The following GCNT1 variants were observed in gnomAD, a reference collection of about 807,000 sequenced individuals.
The protein encoded by GCNT1 is glucosaminyl (N-acetyl) transferase 1.
GCNT1 carries 16 observed loss-of-function variants against 26.2 expected under a neutral mutation model. The ratio of observed to expected loss-of-function variants is 0.61; its 90% CI spans 0.41 to 0.93. The LOEUF (loss-of-function observed/expected upper bound fraction) is 0.93. Ranked by LOEUF, GCNT1 falls within the 40% of genes least tolerant of loss-of-function variation. The pLI is 0.00. For synonymous variants in GCNT1, 183 were observed against 190.8 expected, an observed-to-expected ratio of 0.96 and a Z score of 0.34; for missense variants, 477 against 526.7, an observed-to-expected ratio of 0.91 and a Z score of 0.92.
At chr9:76,454,471 CAG>C (rs1823720682), upstream of GCNT1, among the ~76,000 whole-genome samples, 1 of 146,258 alleles carries the variant, frequency 6.8e-6, no homozygotes, top group Non-Finnish European at 1.5e-5. Flanking sequence ...CTGATCAGGA[CAG>C]AGTTTCTTTG....
chr9:76,439,570 T>C (rs1309677674), upstream of GCNT1, among the ~76,000 whole-genome samples: 1 of 152,166 alleles, frequency 6.6e-6, no homozygotes, highest in Non-Finnish European at 1.5e-5. Context: ...AAAAAAAATT[T>C]TGTCTGCATT....
intron 2 of GCNT1, among the ~76,000 whole-genome samples, chr9:76,488,192 C>T (rs1824633711): frequency 1.3e-5 from 2 of 152,226 alleles, no homozygotes; most frequent in Non-Finnish European, 2.9e-5. Flanking sequence ...TTAATGAATA[C>T]ATCTTGGTGT....
the GCNT1 span, among the ~76,000 whole-genome samples, chr9:76,412,032 G>T: frequency 6.6e-6 from 1 of 151,898 alleles, no homozygotes; most frequent in Non-Finnish European, 1.5e-5. Context: ...ATAATTTTTT[G>T]GTTGCTATAC....
chr9:76,449,095 A>G (rs1381176332), intron 1 of GCNT1, among the ~76,000 whole-genome samples: 1 of 152,108 alleles, frequency 6.6e-6, no homozygotes, highest in African/African-American at 2.4e-5. Context: ...GGGAGGCTGA[A>G]GTGAGAAGAT....
intron 2 of GCNT1, among the ~76,000 whole-genome samples, chr9:76,467,897 G>GTTTTTTTTTTT (rs35387152): frequency 1.7e-5 from 1 of 59,054 alleles, no homozygotes; most frequent in African/African-American, 7.3e-5. Context: ...CTCTTTCAGT[G>GTTTTTTTTTTT]TTTTTTTTTT....
chr9:76,394,280 T>A, the GCNT1 span: 1 of 1,115,150 alleles, frequency 9.0e-7, no homozygotes, highest in Non-Finnish European at 1.2e-6. Flanking sequence ...GAGCGTGAGC[T>A]CTGCCTGCCG....
chr9:76,480,001 T>G (rs1041032750), intron 2 of GCNT1, among the ~76,000 whole-genome samples: 9 of 152,222 alleles, frequency 5.9e-5, no homozygotes, highest in East Asian at 3.9e-4. Context: ...TAACATTTAA[T>G]TCTTTAATCC....
At chr9:76,430,586 A>G (rs1358608431) in intron 1 of GCNT1, among the ~76,000 whole-genome samples, 1 of 151,736 alleles carries the variant, frequency 6.6e-6, no homozygotes, top group Non-Finnish European at 1.5e-5. Context: ...AGGTCTCACT[A>G]TGTTGCCTAG....
intron 2 of GCNT1, among the ~76,000 whole-genome samples, chr9:76,461,748 G>A (rs972368456): frequency 4.0e-5 from 6 of 151,550 alleles, no homozygotes; most frequent in Non-Finnish European, 7.4e-5. Flanking sequence ...AATTAGCCAG[G>A]TGTGGTGGTG....
chr9:76,406,487 A>G, the GCNT1 span, among the ~76,000 whole-genome samples: 1 of 145,712 alleles, frequency 6.9e-6, no homozygotes, highest in Non-Finnish European at 1.5e-5. Context: ...ACAGAGCAAG[A>G]CCCTGTCTCA....
rs1307903209 is a variant in GCNT1 at position 76,505,205 on chromosome 9, TAGAC to T, written c.*1540_*1543del. ...ATAGTACATGAGAAATTCAGAGTAT[TAGAC>T]AGTTTTAAGGCATTCAACTGAGAAA... is the stretch of plus-strand genomic sequence containing the variant. On this transcript the variant is annotated 3_prime_UTR_variant, in exon 4 of 4. Transcript: ENST00000376730. 1 of 358,528 alleles carries T rather than the reference TAGAC, an allele frequency of 2.8e-6. No homozygotes were observed. Among genetic ancestry groups the T allele is most frequent in the Non-Finnish European group, 5.2e-6 (1 of 192,230 alleles). 22.2% of individuals were successfully genotyped at this position (358,528 alleles called of 1,614,324 possible).
chr9:76,496,702 T>C (rs559839573), intron 2 of GCNT1, among the ~76,000 whole-genome samples: 1 of 152,352 alleles, frequency 6.6e-6, no homozygotes, highest in South Asian at 2.1e-4. Flanking sequence ...AAGATAAGTA[T>C]TTATTTTCAG....
intron 1 of GCNT1, among the ~76,000 whole-genome samples, chr9:76,423,072 T>C (rs1823219117): frequency 6.6e-6 from 1 of 152,272 alleles, no homozygotes; most frequent in Admixed American, 6.5e-5. Context: ...CAATTTATGA[T>C]GGATTTAGCA....
At chr9:76,413,199 G>A in the GCNT1 span, among the ~76,000 whole-genome samples, 1 of 152,152 alleles carries the variant, frequency 6.6e-6, no homozygotes, top group South Asian at 2.1e-4. Flanking sequence ...TTCTTTCCTG[G>A]CCAGGGCTTT....
intron 2 of GCNT1, among the ~76,000 whole-genome samples, chr9:76,484,309 G>A (rs1431251823): frequency 6.6e-6 from 1 of 151,622 alleles, no homozygotes; most frequent in African/African-American, 2.4e-5. Flanking sequence ...GTTTGAGCCT[G>A]CAGTGAGCCA....
chr9:76,504,578 AGGGGCT>A lies in GCNT1; in HGVS notation c.*915_*920del. On this transcript the variant is annotated 3_prime_UTR_variant, in exon 4 of 4. Coordinates refer to ENST00000376730, the MANE Select transcript of GCNT1 (RefSeq NM_001490.5). ...ACTAAGACAGGATGATACAGGTTTGAGGGGCTGGGGAGTGGGAGGGGGGAGAAAAGG... is the reference window on the plus strand; with the variant it reads ...ACTAAGACAGGATGATACAGGTTTGAGGGGAGTGGGAGGGGGGAGAAAAGG... The A allele has an allele frequency of 2.5e-6, 1 of 407,110 alleles. No homozygotes were observed. The highest frequency in any genetic ancestry group is 4.5e-6 in the Non-Finnish European group (1 of 222,660). The allele number at this position is 407,110 out of a possible 1,614,324, so 25.2% of individuals were successfully genotyped here. A position where few individuals can be genotyped will look rare whatever the true frequency, so the allele number is the denominator to read the frequency against.
rs1825236479 is a variant in GCNT1, at chr9:76,506,305, C to T, written c.*2637C>T. ...ATTAGAAGTCAAACATGGCCAGGCA[C>T]AGTGGCTCACACCTGTAATCTTCAG... On this transcript the variant is annotated 3_prime_UTR_variant, in exon 4 of 4. Coordinates refer to ENST00000376730, the MANE Select transcript of GCNT1 (RefSeq NM_001490.5). The T allele has an allele frequency of 6.0e-6, 1 of 166,932 alleles. No homozygotes were observed. Among genetic ancestry groups the T allele is most frequent in the Non-Finnish European group, 1.5e-5 (1 of 68,088 alleles). The allele number at this position is 166,932 out of a possible 1,614,324, so 10.3% of individuals were successfully genotyped here. A position where few individuals can be genotyped will look rare whatever the true frequency, so the allele number is the denominator to read the frequency against.
upstream of GCNT1, among the ~76,000 whole-genome samples, chr9:76,455,848 C>T (rs774208229): frequency 2.4e-4 from 37 of 152,334 alleles, 1 homozygote; most frequent in Middle Eastern, 3.4e-3. Context: ...AGTGATCTGC[C>T]CACCTCGGCC....
chr9:76,478,222 A>G (rs780270220), intron 2 of GCNT1, among the ~76,000 whole-genome samples: 14 of 152,146 alleles, frequency 9.2e-5, no homozygotes, highest in Admixed American at 2.0e-4. Flanking sequence ...TCTTCACAAT[A>G]AATCTTGCTG....
Sources: allele counts gnomAD v4.1 joint callset (sites outside exome capture counted in the v4.1 genomes callset), GRCh38; gene constraint gnomAD v4.1.1; transcripts MANE v1.5; gene names NCBI Gene and HGNC (gene_info 2026-07-23, HGNC 2026-07-21).